ITFG1: variants seen among roughly 807,000 people sequenced by gnomAD.
ITFG1 encodes the protein integrin alpha FG-GAP repeat containing 1.
A neutral mutation model predicts 81.8 loss-of-function variants in ITFG1; 34 were observed. The ratio of observed to expected loss-of-function variants is 0.42; its 90% confidence interval spans 0.32 to 0.55. The LOEUF (loss-of-function observed/expected upper bound fraction) is 0.55, where lower values mean the gene tolerates loss of function less well. Ranked by LOEUF, ITFG1 falls within the 20% of genes least tolerant of loss-of-function variation. ITFG1 has a pLI of 0.17. For synonymous variants in ITFG1, 285 were observed against 270.6 expected (o/e 1.05, Z -0.52); for missense variants, 672 against 755.4 (o/e 0.89, Z 1.29).
intron 10 of ITFG1, among the ~76,000 whole-genome samples, chr16:47,270,168 G>A (rs975720529): frequency 1.3e-5 from 2 of 151,894 alleles, no homozygotes; most frequent in Non-Finnish European, 2.9e-5. Context: ...TCTTAGTTAC[G>A]ACACTAAAAC....
intron 10 of ITFG1, chr16:47,300,001 T>C (rs1029005618): frequency 6.6e-6 from 1 of 152,382 alleles, no homozygotes; most frequent in African/African-American, 2.4e-5. Flanking sequence ...AGAAAGGGCA[T>C]GGGATGTTCT....
chr16:47,218,884 A>G lies in ITFG1; in HGVS notation c.1437T>C (p.Tyr479=). 6.3e-7 allele frequency: 1 copy of G among 1,596,660 alleles called. No individual in the cohort carries two copies. The highest frequency in any genetic ancestry group is 8.5e-7 in the Non-Finnish European group (1 of 1,170,138). ...TGGTCTTACCTGATCCATTTTTCAG[A>G]TACCCATTTGCATCTACAGTTGTAT... ...IMYTTVDANG[Y]LKNGSAGQLS... Residue 479 remains tyrosine, a synonymous_variant, in exon 14 of 18, where the codon TAT becomes TAC. Transcript: ENST00000320640.
chr16:47,430,679 T>C lies in ITFG1; in HGVS notation c.561-1781A>G, dbSNP rs568353775. On this transcript the variant is annotated intron_variant, in intron 5 of 17. Transcript: ENST00000320640. ...GTTTTGGACCATGCAGAAGAATAAATTGAAGTCCCTACTTCACACTACATA... is the reference window on the plus strand; with the variant it reads ...GTTTTGGACCATGCAGAAGAATAAACTGAAGTCCCTACTTCACACTACATA... 2.0e-5 allele frequency among the ~76,000 whole-genome samples: 3 copies of C among 152,280 alleles called. No individual in the cohort carries two copies. In the South Asian group the frequency reaches 6.2e-4, roughly 32 times the overall value.
At chr16:47,212,501 G>T (rs1463724391) in intron 14 of ITFG1, among the ~76,000 whole-genome samples, 1 of 152,330 alleles carries the variant, frequency 6.6e-6, no homozygotes, top group East Asian at 1.9e-4. Context: ...ACAGGCATGA[G>T]CCATCCATCG....
At chr16:47,341,516 T>C (rs1164713837) in intron 8 of ITFG1, among the ~76,000 whole-genome samples, 1 of 151,342 alleles carries the variant, frequency 6.6e-6, no homozygotes, top group Non-Finnish European at 1.5e-5. Flanking sequence ...TGGGGGCAAT[T>C]CATAGCTTTA....
intron 14 of ITFG1, among the ~76,000 whole-genome samples, chr16:47,187,558 T>C (rs1237337726): frequency 6.6e-6 from 1 of 152,120 alleles, no homozygotes; most frequent in African/African-American, 2.4e-5. Context: ...TGGCTAGCCA[T>C]ATTTAGAAAG....
intron 6 of ITFG1, among the ~76,000 whole-genome samples, chr16:47,387,966 G>C (rs1326373248): frequency 6.6e-6 from 1 of 151,278 alleles, no homozygotes; most frequent in Non-Finnish European, 1.5e-5. Flanking sequence ...TATGCTTAAA[G>C]AAGTGAAGTG....
chr16:47,420,124 A>C (rs923905193), intron 6 of ITFG1, among the ~76,000 whole-genome samples: 1 of 151,868 alleles, frequency 6.6e-6, no homozygotes, highest in Admixed American at 6.6e-5. Flanking sequence ...ATGTTGTTTT[A>C]TTTCCATGTA....
chr16:47,410,456 T>C (rs927082677), intron 6 of ITFG1, among the ~76,000 whole-genome samples: 4 of 152,054 alleles, frequency 2.6e-5, no homozygotes, highest in Non-Finnish European at 4.4e-5. Context: ...GACGGCTGAC[T>C]AGACACAGCC....
At chr16:47,311,503 A>G (rs1967261553) in intron 9 of ITFG1, 91 bp from the exon 10 acceptor site, 1 of 998,086 alleles carries the variant, frequency 1.0e-6, no homozygotes, top group South Asian at 2.1e-5. Context: ...AGTTTTCAAG[A>G]TAAGCATTAT....
chr16:47,161,524 A>G (rs888390378), intron 16 of ITFG1: 1 of 361,620 alleles, frequency 2.8e-6, no homozygotes, highest in East Asian at 4.1e-5. Context: ...ATCCCTAATT[A>G]GTTAACCTCC....
rs1230990895 is a variant in ITFG1, at chr16:47,218,938, T to C, written c.1383A>G (p.Gly461=). Reference sequence around the variant, plus strand: ...TGATATAAGGTCCAGGTTGATTCACTCCAAAGGGCTGCAATAGAAAAAAAA... The same window carrying C: ...TGATATAAGGTCCAGGTTGATTCACCCCAAAGGGCTGCAATAGAAAAAAAA... ...NDCPRKITPF[G]VNQPGPYIMY... is the part of the protein sequence containing the mutation. The change falls in exon 14 of 18, where the codon GGA becomes GGG. Residue 461 remains glycine (G), a synonymous_variant. Transcript: ENST00000320640. 1.9e-6 allele frequency: 3 copies of C among 1,586,482 alleles called. No homozygotes were observed. The highest frequency in any genetic ancestry group is 1.8e-5 in the Admixed American group (1 of 55,554).
chr16:47,155,221 A>G lies in ITFG1; in HGVS notation c.*498T>C, dbSNP rs1964684544. ...GCAAGTCTGTCTTACTGTGCTACCA[A>G]GTCAGAGTACCCGATCACTATATTG... On this transcript the variant is annotated 3_prime_UTR_variant, in exon 18 of 18. Transcript: ENST00000320640. The G allele has an allele frequency of 6.6e-6, 1 of 152,326 alleles. No individual in the cohort carries two copies. Among genetic ancestry groups the G allele is most frequent in the African/African-American group, 2.4e-5 (1 of 41,456 alleles). The allele number at this position is 152,326 out of a possible 1,614,324, so 9.4% of individuals were successfully genotyped here. A position where few individuals can be genotyped will look rare whatever the true frequency, so the allele number is the denominator to read the frequency against.
At chr16:47,310,528 T>C (rs377136245) in intron 10 of ITFG1, among the ~76,000 whole-genome samples, 1 of 152,220 alleles carries the variant, frequency 6.6e-6, no homozygotes, top group African/African-American at 2.4e-5. Context: ...TGAGTTTAAC[T>C]ACATTGGTTT....
At chr16:47,371,762 T>C (rs1244762563) in intron 7 of ITFG1, among the ~76,000 whole-genome samples, 1 of 152,052 alleles carries the variant, frequency 6.6e-6, no homozygotes, top group African/African-American at 2.4e-5. Flanking sequence ...TACTATGAAC[T>C]AGTGAGAAGA....
At chr16:47,191,113 A>G (rs1389003000) in intron 14 of ITFG1, among the ~76,000 whole-genome samples, 1 of 152,172 alleles carries the variant, frequency 6.6e-6, no homozygotes, top group African/African-American at 2.4e-5. Context: ...GGCATGAATT[A>G]TTGGGGGCCA....
At chr16:47,212,749 A>G (rs910323588) in intron 14 of ITFG1, among the ~76,000 whole-genome samples, 5 of 152,052 alleles carry the variant, frequency 3.3e-5, no homozygotes, top group Non-Finnish European at 7.4e-5. Flanking sequence ...TATCCTTTTG[A>G]TATCTTCAGG....
intron 8 of ITFG1, among the ~76,000 whole-genome samples, chr16:47,315,248 T>A (rs1376608178): frequency 6.6e-6 from 1 of 151,674 alleles, no homozygotes; most frequent in Non-Finnish European, 1.5e-5. Context: ...GAGACAAAGA[T>A]GCAATTCTAG....
chr16:47,422,403 T>C (rs755373512), intron 6 of ITFG1, among the ~76,000 whole-genome samples: 24 of 152,346 alleles, frequency 1.6e-4, no homozygotes, highest in Admixed American at 3.9e-4. Context: ...CAGTATTTTA[T>C]TGAGGATTTT....
Sources: allele counts gnomAD v4.1 joint callset (sites outside exome capture counted in the v4.1 genomes callset), GRCh38; gene constraint gnomAD v4.1.1; transcripts MANE v1.5; gene names NCBI Gene and HGNC (gene_info 2026-07-23, HGNC 2026-07-21).